The following ANK2 variants were observed in gnomAD, a reference collection of about 807,000 sequenced individuals.
ANK2 encodes the protein ankyrin-2.
Under a neutral mutation model 360.5 loss-of-function variants are expected in ANK2, and 83 were observed. The observed-to-expected ratio is 0.23, with a 90% CI of 0.19 to 0.28. The LOEUF is 0.28. Ranked by LOEUF, ANK2 falls within the 10% of genes least tolerant of loss-of-function variation. The pLI is 1.00. For missense variants in ANK2, 4,201 were observed against 4,795.7 expected (o/e 0.88, Z 3.66); for synonymous variants, 1,740 against 1,759.5 (o/e 0.99, Z 0.28).
intron 1 of ANK2, among the ~76,000 whole-genome samples, chr4:113,142,597 A>G (rs34556792): frequency 0.37 from 55,626 of 151,840 alleles, 10,892 homozygotes; most frequent in Non-Finnish European, 0.44. Flanking sequence ...ACTAAGCTTT[A>G]GCAGTGGGGT....
intron 1 of ANK2, among the ~76,000 whole-genome samples, chr4:113,152,900 C>CAA (rs1041634730): frequency 1.3e-5 from 2 of 149,360 alleles, no homozygotes; most frequent in East Asian, 3.9e-4. Context: ...GATGCTGTCT[C>CAA]AAAAAAAAAT....
At chr4:113,296,420 T>A (rs955419310) in intron 22 of ANK2, among the ~76,000 whole-genome samples, 3 of 152,184 alleles carry the variant, frequency 2.0e-5, no homozygotes, top group African/African-American at 7.2e-5. Flanking sequence ...ACAACTGACA[T>A]ACTAATTTAA....
At chr4:113,325,965 T>C (rs2089598463) in intron 26 of ANK2, among the ~76,000 whole-genome samples, 1 of 152,186 alleles carries the variant, frequency 6.6e-6, no homozygotes, top group African/African-American at 2.4e-5. Context: ...ACTTAAGTTA[T>C]TTTCATCTCC....
chr4:112,966,175 TTTC>T (rs1311273236), intron 2 of ANK2, among the ~76,000 whole-genome samples: 2 of 151,708 alleles, frequency 1.3e-5, no homozygotes, highest in African/African-American at 4.8e-5. Context: ...CATGTTTCCT[TTTC>T]TTTGTGAACA....
At chr4:112,885,227 G>A (rs900611223) in intron 1 of ANK2, among the ~76,000 whole-genome samples, 14 of 151,928 alleles carry the variant, frequency 9.2e-5, no homozygotes, top group Admixed American at 5.2e-4. Context: ...AGGGCCGGGC[G>A]TGGTGGTTCA....
At chr4:113,318,401 G>A (rs534538776) in intron 25 of ANK2, 116 bp from the exon 26 acceptor site, 1 of 778,334 alleles carries the variant, frequency 1.3e-6, no homozygotes, top group African/African-American at 1.7e-5. Context: ...TATATTTTAA[G>A]TGTAAGTTTT....
At chr4:112,825,141 A>C (rs1413568352) in intron 1 of ANK2, among the ~76,000 whole-genome samples, 1 of 152,184 alleles carries the variant, frequency 6.6e-6, no homozygotes, top group Non-Finnish European at 1.5e-5. Context: ...TTGAACAATG[A>C]GAACACCTGG....
chr4:112,953,432 G>A (rs534578488), intron 2 of ANK2, among the ~76,000 whole-genome samples: 3 of 152,222 alleles, frequency 2.0e-5, no homozygotes, highest in African/African-American at 4.8e-5. Flanking sequence ...TATGACATTC[G>A]AAGTAGGGAG....
At chr4:112,935,357 T>A (rs2093640602) in intron 2 of ANK2, among the ~76,000 whole-genome samples, 1 of 152,198 alleles carries the variant, frequency 6.6e-6, no homozygotes, top group South Asian at 2.1e-4. Context: ...AAATATATAA[T>A]CTTTGGTTTA....
the ANK2 span, among the ~76,000 whole-genome samples, chr4:112,801,105 G>A: frequency 6.6e-6 from 1 of 152,204 alleles, no homozygotes; most frequent in African/African-American, 2.4e-5. Context: ...TGCCTTCTGT[G>A]TGAATTCAGA....
At chr4:112,963,478 C>A (rs767148274) in intron 2 of ANK2, among the ~76,000 whole-genome samples, 7 of 152,020 alleles carry the variant, frequency 4.6e-5, no homozygotes, top group Non-Finnish European at 1.5e-5. Context: ...CTTGAAATTA[C>A]AGAAATAATT....
At chr4:113,017,442 C>T (rs2056938301) in intron 2 of ANK2, among the ~76,000 whole-genome samples, 1 of 151,828 alleles carries the variant, frequency 6.6e-6, no homozygotes, top group African/African-American at 2.4e-5. Context: ...AGAAGCTCTG[C>T]AAGACTGAAG....
chr4:112,987,096 T>C (rs1411202204), intron 2 of ANK2, among the ~76,000 whole-genome samples: 1 of 152,220 alleles, frequency 6.6e-6, no homozygotes, highest in Non-Finnish European at 1.5e-5. Flanking sequence ...TTGGGCCACA[T>C]TCAAAGCCAT....
At chr4:112,871,582 A>C (rs2073062494) in intron 1 of ANK2, among the ~76,000 whole-genome samples, 1 of 152,146 alleles carries the variant, frequency 6.6e-6, no homozygotes, top group South Asian at 2.1e-4. Context: ...TTCTTTTCCA[A>C]TCTGAATGCC....
rs771249445 is a variant in ANK2 at position 113,350,225 on chromosome 4, C to T, written c.4405-3C>T. On this transcript the variant is annotated splice_polypyrimidine_tract_variant and splice_region_variant and intron_variant, in intron 36 of 45. Coordinates refer to ENST00000357077, the MANE Select transcript of ANK2 (RefSeq NM_001148.6). ...CATTCAATTTATGTATGTTTTCTTT[C>T]AGATCGATATGACATCAGAAAAAAG... 6.2e-7 allele frequency: 1 copy of T among 1,607,392 alleles called. No individual in the cohort carries two copies. Among genetic ancestry groups the T allele is most frequent in the Non-Finnish European group, 8.5e-7 (1 of 1,175,562 alleles).
rs1387853202 is a variant in ANK2 at position 112,954,646 on chromosome 4, A to G, written c.21+50132A>G. On this transcript the variant is annotated intron_variant, in intron 2 of 30. Transcript: ENST00000503271. ...TAATTTTATTTCACCATTAACCAAC[A>G]CTTATTTCTAAATAAATAAGAATAG... is the stretch of plus-strand genomic sequence containing the variant. Among the ~76,000 whole-genome samples, 6 of 152,292 alleles carry G rather than the reference A, an allele frequency of 3.9e-5. No individual in the cohort carries two copies. In the East Asian group the frequency reaches 1.2e-3, roughly 29 times the overall value.
chr4:112,839,572 T>C (rs1369738778), intron 1 of ANK2, among the ~76,000 whole-genome samples: 1 of 152,226 alleles, frequency 6.6e-6, no homozygotes, highest in Non-Finnish European at 1.5e-5. Context: ...TTGGATAAAA[T>C]GAATGCCATT....
chr4:112,760,120 C>G, the ANK2 span, among the ~76,000 whole-genome samples: 2 of 152,146 alleles, frequency 1.3e-5, no homozygotes, highest in African/African-American at 2.4e-5. Context: ...CCCCCACCCA[C>G]CTGCCCACCC....
intron 2 of ANK2, among the ~76,000 whole-genome samples, chr4:113,024,675 G>A (rs749795815): frequency 2.6e-4 from 40 of 152,054 alleles, no homozygotes; most frequent in Non-Finnish European, 4.0e-4. Flanking sequence ...GACTCCAATG[G>A]CATTATGCAA....
Sources: allele counts gnomAD v4.1 joint callset (sites outside exome capture counted in the v4.1 genomes callset), GRCh38; gene constraint gnomAD v4.1.1; transcripts MANE v1.5; gene names NCBI Gene and HGNC (gene_info 2026-07-23, HGNC 2026-07-21).